EPHA8: variants seen among roughly 807,000 people sequenced by gnomAD.
EPHA8 encodes the protein EPH receptor A8, also known as ephrin type-A receptor 8.
EPHA8 carries 58 observed loss-of-function variants against 103.6 expected under a neutral mutation model. The ratio of observed to expected loss-of-function variants is 0.56; its 90% CI spans 0.45 to 0.70. The LOEUF (loss-of-function observed/expected upper bound fraction) is 0.70. Among genes scored for constraint, EPHA8 ranks in the 30% least tolerant of loss-of-function variants. EPHA8 has a pLI of 0.00. For synonymous variants in EPHA8, 559 were observed against 572.5 expected, an observed-to-expected ratio of 0.98 and a Z score of 0.34; for missense variants, 1,304 against 1,395.2, an observed-to-expected ratio of 0.93 and a Z score of 1.04.
rs1384482959 is a variant in EPHA8, at chr1:22,598,716, C to T, written c.2179-122C>T. 7.4e-6 allele frequency: 7 copies of T among 949,950 alleles called. No homozygotes were observed. Among genetic ancestry groups the T allele is most frequent in the Non-Finnish European group, 1.1e-5 (7 of 632,260 alleles). 58.8% of individuals were successfully genotyped at this position (949,950 alleles called of 1,614,324 possible). On this transcript the variant is annotated intron_variant, in intron 12 of 16. Coordinates refer to ENST00000166244, the MANE Select transcript of EPHA8 (RefSeq NM_020526.5). This position sits in a 1 kb window ranked among gnomAD's most constrained non-coding sequence, Gnocchi z 5.1. ...GCAAAGTGCTTCAGAAGTAGTGGCGCACTTGGCAAATTGCAAAGCACCGTC... is the reference window on the plus strand; with the variant it reads ...GCAAAGTGCTTCAGAAGTAGTGGCGTACTTGGCAAATTGCAAAGCACCGTC...
chr1:22,594,419 G>A (rs1040323405), intron 7 of EPHA8, among the ~76,000 whole-genome samples: 3 of 152,178 alleles, frequency 2.0e-5, no homozygotes, highest in Non-Finnish European at 4.4e-5. Flanking sequence ...TCTCACCTGG[G>A]GACTTACCAA....
intron 15 of EPHA8, 84 bp from the exon 16 acceptor site, chr1:22,601,216 C>A: frequency 2.6e-6 from 4 of 1,537,324 alleles, no homozygotes; most frequent in Non-Finnish European, 3.5e-6. Context: ...CCCTGCCCTG[C>A]CGAACCCCTT....
chr1:22,599,159 T>C, intron 13 of EPHA8, 112 bp downstream of exon 13: 1 of 1,211,160 alleles, frequency 8.3e-7, no homozygotes, highest in Non-Finnish European at 1.2e-6. Flanking sequence ...AGTTTCGGGG[T>C]GGCCCTCAAC....
At chr1:22,601,276 T>C in intron 15 of EPHA8, 24 bp from the exon 16 acceptor site, 1 of 1,583,420 alleles carries the variant, frequency 6.3e-7, no homozygotes, top group Non-Finnish European at 8.5e-7. Flanking sequence ...CTCTGGCCAC[T>C]TACCAAGAGC....
intron 3 of EPHA8, among the ~76,000 whole-genome samples, chr1:22,584,147 C>G (rs903360049): frequency 6.6e-6 from 1 of 152,228 alleles, no homozygotes; most frequent in South Asian, 2.1e-4. Context: ...AATGCAAAGC[C>G]CTTTTCTGAT....
chr1:22,578,813 G>A (rs529101847), intron 3 of EPHA8, among the ~76,000 whole-genome samples: 1 of 149,922 alleles, frequency 6.7e-6, no homozygotes, highest in Non-Finnish European at 1.5e-5. Context: ...GTGCATGTAT[G>A]TGTACATGTG....
chr1:22,574,135 C>T (rs1031758850), intron 2 of EPHA8, among the ~76,000 whole-genome samples: 14 of 152,238 alleles, frequency 9.2e-5, no homozygotes, highest in African/African-American at 2.9e-4. Context: ...CCCGCCACCA[C>T]GCCCGGCCAA....
At chr1:22,565,005 C>T (rs1640317815) in intron 1 of EPHA8, among the ~76,000 whole-genome samples, 1 of 152,096 alleles carries the variant, frequency 6.6e-6, no homozygotes, top group Admixed American at 6.6e-5. Context: ...CACTTGTGAC[C>T]CAGGCCTGTA....
rs1641538030 is a variant in EPHA8, at chr1:22,597,106, C to G, written c.1766-206C>G. Among the ~76,000 whole-genome samples, 2 of 152,164 alleles carry G rather than the reference C, an allele frequency of 1.3e-5. No individual in the cohort carries two copies. Among genetic ancestry groups the G allele is most frequent in the Non-Finnish European group, 1.5e-5 (1 of 68,030 alleles). ...ACATGCCCAGAACTCACTGGAGACT[C>G]CACAGCCCCATAGAAACCCCAGAGC... On this transcript the variant is annotated intron_variant, in intron 9 of 16. Transcript: ENST00000166244. This position sits in a 1 kb window ranked among gnomAD's most constrained non-coding sequence, Gnocchi z 4.6.
chr1:22,593,253 AACCT>A, intron 5 of EPHA8, 69 bp from the exon 6 acceptor site: 1 of 1,513,362 alleles, frequency 6.6e-7, no homozygotes. Flanking sequence ...CCCCAGGTGG[AACCT>A]GGGAAGGGTT....
chr1:22,575,663 C>A (rs1286136231), intron 2 of EPHA8, among the ~76,000 whole-genome samples: 1 of 152,102 alleles, frequency 6.6e-6, no homozygotes, highest in Non-Finnish European at 1.5e-5. Context: ...TGAGTGGGAC[C>A]CAGGCCAGCC....
In EPHA8 at chr1:22,578,487, T is replaced by G. The variant is rs556349762; in HGVS notation, c.823+1607T>G. On this transcript the variant is annotated intron_variant, in intron 3 of 16. Coordinates refer to ENST00000166244, the MANE Select transcript of EPHA8 (RefSeq NM_020526.5). The stretch of plus-strand genomic sequence containing the variant: ...ATGTGTGTGCATGTGCATGAGTGTG[T>G]GCATGTGTGCATGAGTGCATTAGTG... Among the ~76,000 whole-genome samples, 139 of 146,572 alleles carry G rather than the reference T, an allele frequency of 9.5e-4. 1 individual carries two copies. The highest frequency in any genetic ancestry group is 1.6e-3 in the Non-Finnish European group (105 of 66,546).
In EPHA8 at chr1:22,589,508, A is replaced by C; in HGVS notation, c.1315+302A>C. 1 of 1,429,202 alleles carries C rather than the reference A, an allele frequency of 7.0e-7. No homozygotes were observed. The highest frequency in any genetic ancestry group is 9.1e-7 in the Non-Finnish European group (1 of 1,097,114). The allele number at this position is 1,429,202 out of a possible 1,614,324, so 88.5% of individuals were successfully genotyped here. On this transcript the variant is annotated intron_variant, in intron 5 of 16. Transcript: ENST00000166244. This position sits in a 1 kb window ranked among gnomAD's most constrained non-coding sequence, Gnocchi z 4.3. ...TCAGTTTCCTCCCTGGTGCAATGGG[A>C]ATAATAGTACCTGCCTGAGGTCCTC...
rs148463077 is a variant in EPHA8, at chr1:22,576,132, G to A, written c.160-85G>A. The A allele has an allele frequency of 2.1e-3, 2,968 of 1,446,654 alleles. 43 individuals carry two copies. The East Asian group carries it at 0.028, about 14-fold the overall frequency. 89.6% of individuals were successfully genotyped at this position (1,446,654 alleles called of 1,614,324 possible). On this transcript the variant is annotated intron_variant, in intron 2 of 16. Coordinates refer to ENST00000166244, the MANE Select transcript of EPHA8 (RefSeq NM_020526.5). This position sits in a 1 kb window ranked among gnomAD's most constrained non-coding sequence, Gnocchi z 4.8. ...CTCCTTTGTCTTTTTTTTTGCCAGC[G>A]TCCCCAGCACAGAACACAGGGTCAT...
At chr1:22,583,423 C>G (rs1356222974) in intron 3 of EPHA8, among the ~76,000 whole-genome samples, 1 of 152,246 alleles carries the variant, frequency 6.6e-6, no homozygotes, top group Non-Finnish European at 1.5e-5. Context: ...GCGCAGCCAT[C>G]TCTCAGCTCT....
In EPHA8 at chr1:22,564,563, G is replaced by A. The variant is rs1640300938; in HGVS notation, c.94+834G>A. Among the ~76,000 whole-genome samples the A allele has an allele frequency of 2.6e-5, 4 of 152,098 alleles. No homozygotes were observed. In the South Asian group the frequency reaches 6.2e-4, roughly 24 times the overall value. On this transcript the variant is annotated intron_variant, in intron 1 of 16. Coordinates refer to ENST00000166244, the MANE Select transcript of EPHA8 (RefSeq NM_020526.5). ...GTGGGAGGAAGGATTGGGGTGGGGA[G>A]GTGCACTGAGTCGTTGGGACCAAAA...
At position 22,601,673 on chromosome 1, in the gene EPHA8, A is replaced by G. The variant is rs1396520336; in HGVS notation, c.2950A>G (p.Ile984Val). ...CACCCTCATGGGCCACCAGAAGAAG[A>G]TCCTGGGCAGCATTCAGACCATGCG... ...GITLMGHQKK[I>V]LGSIQTMRAQ... is the part of the protein sequence containing the mutation. Residue 984 changes from isoleucine (I) to valine (V), a missense_variant, in exon 17 of 17, where the codon ATC becomes GTC. Physicochemically the swap from Ile to Val is conservative, Grantham distance 29. Coordinates refer to ENST00000166244, the MANE Select transcript of EPHA8 (RefSeq NM_020526.5). 26 of 1,594,278 alleles carry G rather than the reference A, an allele frequency of 1.6e-5. No individual in the cohort carries two copies. Among genetic ancestry groups the G allele is most frequent in the Non-Finnish European group, 2.2e-5 (26 of 1,170,644 alleles).
intron 3 of EPHA8, among the ~76,000 whole-genome samples, chr1:22,581,003 T>C (rs983256064): frequency 3.3e-5 from 5 of 152,242 alleles, no homozygotes; most frequent in African/African-American, 9.6e-5. Flanking sequence ...TCCATTCTGC[T>C]GAGCATCTAC....
intron 4 of EPHA8, 146 bp downstream of exon 4, chr1:22,586,781 G>GGA: frequency 1.1e-6 from 1 of 898,676 alleles, no homozygotes; most frequent in Non-Finnish European, 1.6e-6. Flanking sequence ...AGTCTGAGGT[G>GGA]GGGGGGGTGA....
Sources: allele counts gnomAD v4.1 joint callset (sites outside exome capture counted in the v4.1 genomes callset), GRCh38; gene constraint gnomAD v4.1.1; non-coding constraint Gnocchi (gnomAD v3.1); transcripts MANE v1.5; gene names NCBI Gene and HGNC (gene_info 2026-07-23, HGNC 2026-07-21).